The following NDUFS2 variants were observed in gnomAD, a reference collection of about 807,000 sequenced individuals.
NDUFS2 encodes NADH dehydrogenase [ubiquinone] iron-sulfur protein 2, mitochondrial.
A neutral mutation model predicts 69.6 loss-of-function variants in NDUFS2; 38 were observed. The ratio of observed to expected loss-of-function variants is 0.55; its 90% confidence interval spans 0.42 to 0.72. NDUFS2 has a LOEUF of 0.72. NDUFS2 is among the 30% of genes least tolerant of loss of function. NDUFS2 has a pLI of 0.00. For missense variants in NDUFS2, 468 were observed against 595.0 expected (o/e 0.79, Z 2.22); for synonymous variants, 194 against 211.2 (o/e 0.92, Z 0.70).
At chr1:161,199,697 C>A (rs1665033105), upstream of NDUFS2, among the ~76,000 whole-genome samples, 1 of 152,102 alleles carries the variant, frequency 6.6e-6, no homozygotes, top group Non-Finnish European at 1.5e-5. Context: ...ATGAACATAA[C>A]AGAGGCGGCA....
chr1:161,210,405 CTT>C lies in NDUFS2; in HGVS notation c.866+17_866+18del. 1 of 1,610,260 alleles carries C rather than the reference CTT, an allele frequency of 6.2e-7. No homozygotes were observed. Reference sequence around the variant, plus strand: ...ATGGTTTTAGGTGAGGGGAATACAACTTCTCTCCGTAGGAGTGGGGGTGGGAG... The same window carrying C: ...ATGGTTTTAGGTGAGGGGAATACAACCTCTCCGTAGGAGTGGGGGTGGGAG... On this transcript the variant is annotated intron_variant, in intron 8 of 13. Coordinates refer to ENST00000676972, the MANE Select transcript of NDUFS2 (RefSeq NM_001377299.1).
At chr1:161,212,589 C>T in intron 10 of NDUFS2, 109 bp downstream of exon 10, 1 of 1,412,036 alleles carries the variant, frequency 7.1e-7, no homozygotes, top group Non-Finnish European at 9.6e-7. Flanking sequence ...TTTTTTGAGA[C>T]AGAGTTTTAC....
At chr1:161,209,811 TG>T (rs1329402170) in intron 5 of NDUFS2, 45 bp from the exon 6 acceptor site, 11 of 1,596,978 alleles carry the variant, frequency 6.9e-6, no homozygotes, top group South Asian at 6.7e-5. Flanking sequence ...TCATAGGACC[TG>T]GGGGCCTGGG....
chr1:161,203,313 A>G lies in NDUFS2; in HGVS notation c.96-124A>G. Reference sequence around the variant, plus strand: ...AAGAGTGAAACCCAGTCTCAAAAAAAACAAAAAACAAAACAAAACAAAAAA... The same window carrying G: ...AAGAGTGAAACCCAGTCTCAAAAAAGACAAAAAACAAAACAAAACAAAAAA... On this transcript the variant is annotated intron_variant, in intron 1 of 13. Transcript: ENST00000676972. 5 of 832,198 alleles carry G rather than the reference A, an allele frequency of 6.0e-6. No homozygotes were observed. In the South Asian group the frequency reaches 7.3e-5, roughly 12 times the overall value. 51.6% of individuals were successfully genotyped at this position (832,198 alleles called of 1,614,324 possible). A position where few individuals can be genotyped will look rare whatever the true frequency, so the allele number is the denominator to read the frequency against.
upstream of NDUFS2, chr1:161,198,709 C>T: frequency 1.5e-6 from 2 of 1,322,936 alleles, no homozygotes; most frequent in Non-Finnish European, 2.0e-6. The surrounding 1 kb of genome is among the most constrained non-coding windows in gnomAD (Gnocchi z 4.7). Context: ...AAGCTCCTCT[C>T]TGTAGCCTGG....
chr1:161,198,282 G>T, upstream of NDUFS2: 1 of 1,613,794 alleles, frequency 6.2e-7, no homozygotes. This position sits in a 1 kb window ranked among gnomAD's most constrained non-coding sequence, Gnocchi z 4.7. Context: ...AGCAGCTCAG[G>T]CGCCTGGCCC....
At position 161,210,538 on chromosome 1, in the gene NDUFS2, C is replaced by T. The variant is rs561261306; in HGVS notation, c.867-53C>T. ...CAAGGGAGGCTAAGGAAGAAGGAGCCTCCTTACTTAGTTTGTGGAGAGTGG... is the reference window on the plus strand; with the variant it reads ...CAAGGGAGGCTAAGGAAGAAGGAGCTTCCTTACTTAGTTTGTGGAGAGTGG... On this transcript the variant is annotated intron_variant, in intron 8 of 13. Transcript: ENST00000676972. 8.0e-5 allele frequency: 129 copies of T among 1,613,208 alleles called. 1 individual carries two copies. The South Asian group carries it at 1.3e-3, about 17-fold the overall frequency.
chr1:161,211,369 C>T (rs1665761567), intron 9 of NDUFS2, among the ~76,000 whole-genome samples: 2 of 152,164 alleles, frequency 1.3e-5, no homozygotes, highest in Admixed American at 6.5e-5. Context: ...TCCTCCTGGG[C>T]CAGGCACAGT....
chr1:161,209,941 T>C lies in NDUFS2; in HGVS notation c.702+10T>C. 1 of 1,613,772 alleles carries C rather than the reference T, an allele frequency of 6.2e-7. No homozygotes were observed. The highest frequency in any genetic ancestry group is 8.5e-7 in the Non-Finnish European group (1 of 1,179,884). On this transcript the variant is annotated intron_variant, in intron 6 of 13. Coordinates refer to ENST00000676972, the MANE Select transcript of NDUFS2 (RefSeq NM_001377299.1). ...AGGAGGAGTGCACCAGGTGAGCAGG[T>C]CCCCGGCTTCCCCAAATGTCCAGCC...
At chr1:161,198,213 C>G, upstream of NDUFS2, 2 of 1,614,114 alleles carry the variant, frequency 1.2e-6, no homozygotes, top group Non-Finnish European at 1.7e-6. The surrounding 1 kb of genome is among the most constrained non-coding windows in gnomAD (Gnocchi z 4.7). Context: ...AGAGATGCCA[C>G]CGACTCCGGA....
At chr1:161,198,470 C>G (rs935455809), upstream of NDUFS2, 1 of 1,570,050 alleles carries the variant, frequency 6.4e-7, no homozygotes, top group East Asian at 2.4e-5. The surrounding 1 kb of genome is among the most constrained non-coding windows in gnomAD (Gnocchi z 4.7). Flanking sequence ...GGGGAGGGGG[C>G]TGGCCAGCCG....
intron 8 of NDUFS2, 25 bp downstream of exon 8, chr1:161,210,414 G>A (rs768248387): frequency 3.7e-6 from 6 of 1,607,528 alleles, no homozygotes; most frequent in Non-Finnish European, 3.4e-6. Context: ...ACTTCTCTCC[G>A]TAGGAGTGGG....
Position 161,202,413 on chromosome 1 carries a change from T to C in NDUFS2, c.28T>C (p.Phe10Leu). MAALRALCG[F>L]RGVAAQVLRP... Reference sequence around the variant, plus strand: ...GGCGGCGCTGAGGGCTTTGTGCGGCTTCCGGGGCGTCGCGGCCCAGGTGCT... The same window carrying C: ...GGCGGCGCTGAGGGCTTTGTGCGGCCTCCGGGGCGTCGCGGCCCAGGTGCT... Residue 10 changes from phenylalanine (F) to leucine (L), a missense_variant, in exon 1 of 14, where the codon TTC (phenylalanine) becomes CTC (leucine). Phe to Leu is a conservative substitution (Grantham distance 22, BLOSUM62 0). Coordinates refer to ENST00000676972, the MANE Select transcript of NDUFS2 (RefSeq NM_001377299.1). 6.2e-7 allele frequency: 1 copy of C among 1,612,842 alleles called. No homozygotes were observed. The highest frequency in any genetic ancestry group is 8.5e-7 in the Non-Finnish European group (1 of 1,179,712).
Position 161,213,643 on chromosome 1 carries a change from G to A in NDUFS2, c.1213-6G>A, listed in dbSNP as rs369157641. On this transcript the variant is annotated splice_polypyrimidine_tract_variant and splice_region_variant and intron_variant, in intron 11 of 13. Transcript: ENST00000676972. ...ATACAGACACCCAACCTTCTTCCTT[G>A]AACAGGGAGAGTTTGGGGTGTACCT... 13 of 1,613,866 alleles carry A rather than the reference G, an allele frequency of 8.1e-6. No homozygotes were observed. The African/African-American group carries it at 1.6e-4, about 20-fold the overall frequency.
At position 161,209,369 on chromosome 1, in the gene NDUFS2, C is replaced by T; in HGVS notation, c.514+56C>T. 2.5e-6 allele frequency: 4 copies of T among 1,613,376 alleles called. No individual in the cohort carries two copies. The Admixed American group carries it at 5.0e-5, about 20-fold the overall frequency. On this transcript the variant is annotated intron_variant, in intron 4 of 13. Coordinates refer to ENST00000676972, the MANE Select transcript of NDUFS2 (RefSeq NM_001377299.1). ...CTGTGAGCATAGCATAGTGCCTTTT[C>T]CACCACTTCCCCGTTGAACCCAAGC...
intron 2 of NDUFS2, 187 bp downstream of exon 2, chr1:161,203,730 G>A (rs552945037): frequency 9.5e-5 from 61 of 640,196 alleles, no homozygotes; most frequent in South Asian, 2.7e-4. Flanking sequence ...CCAGAAAGCC[G>A]CAACAACAGG....
At chr1:161,205,606 TGTAAGCTTCAGATTAGGTGGG>T (rs1558083022) in intron 2 of NDUFS2, among the ~76,000 whole-genome samples, 5 of 152,188 alleles carry the variant, frequency 3.3e-5, no homozygotes, top group Admixed American at 6.5e-5. Flanking sequence ...CAAATTAAAA[TGTAAGCTTCAGATTAGGTGGG>T]CATGGTGGTG....
chr1:161,209,940 G>A lies in NDUFS2; in HGVS notation c.702+9G>A. 1 of 1,613,914 alleles carries A rather than the reference G, an allele frequency of 6.2e-7. No homozygotes were observed. The highest frequency in any genetic ancestry group is 8.5e-7 in the Non-Finnish European group (1 of 1,179,938). On this transcript the variant is annotated intron_variant, in intron 6 of 13. Transcript: ENST00000676972. ...CAGGAGGAGTGCACCAGGTGAGCAG[G>A]TCCCCGGCTTCCCCAAATGTCCAGC...
At chr1:161,213,611 C>T (rs1449501504) in intron 11 of NDUFS2, 38 bp from the exon 12 acceptor site, 2 of 1,602,698 alleles carry the variant, frequency 1.2e-6, no homozygotes, top group South Asian at 2.2e-5. Context: ...AAATACTCTT[C>T]ATGTTAATAC....
Sources: gnomAD v4.1 joint callset for allele counts (sites outside exome capture counted in the v4.1 genomes callset) on GRCh38, gnomAD v4.1.1 for gene constraint, Gnocchi (gnomAD v3.1) non-coding constraint, MANE v1.5 for transcripts, NCBI Gene and HGNC (gene_info 2026-07-23, HGNC 2026-07-21) for gene names.